KANK1: variants seen among roughly 807,000 people sequenced by gnomAD.
The protein encoded by KANK1 is KN motif and ankyrin repeat domain-containing protein 1.
KANK1 carries 109 observed loss-of-function variants against 106.2 expected under a neutral mutation model. The observed-to-expected ratio is 1.03, with a 90% confidence interval of 0.88 to 1.20. KANK1 has a LOEUF of 1.20. Among genes scored for constraint, KANK1 ranks in the 50% most tolerant of loss-of-function variants. The pLI is 0.00. For missense variants in KANK1, 2,399 were observed against 1,710.7 expected (o/e 1.40, Z -7.10); for synonymous variants, 873 against 652.2 (o/e 1.34, Z -5.16).
intron 7 of KANK1, among the ~76,000 whole-genome samples, chr9:737,036 A>C (rs1049246094): frequency 6.6e-6 from 1 of 152,174 alleles, no homozygotes; most frequent in African/African-American, 2.4e-5. Flanking sequence ...CTGAATTTTC[A>C]TTTGGTGTGA....
At chr9:479,252 ACT>A (rs2058161761) in intron 3 of KANK1, among the ~76,000 whole-genome samples, 1 of 152,098 alleles carries the variant, frequency 6.6e-6, no homozygotes. Flanking sequence ...ATTAGTCAAA[ACT>A]CTTGTCATTG....
intron 3 of KANK1, among the ~76,000 whole-genome samples, chr9:722,197 C>G (rs1461081374): frequency 6.6e-6 from 1 of 152,190 alleles, no homozygotes; most frequent in African/African-American, 2.4e-5. Flanking sequence ...ACTAAACTGC[C>G]TTTGTAAAAC....
intron 2 of KANK1, among the ~76,000 whole-genome samples, chr9:699,964 A>G (rs1822246018): frequency 6.6e-6 from 1 of 152,202 alleles, no homozygotes; most frequent in Non-Finnish European, 1.5e-5. Flanking sequence ...CCTGAGTGAC[A>G]GAGCAAGACC....
chr9:722,964 ATC>A (rs1446329996), intron 3 of KANK1, among the ~76,000 whole-genome samples: 1 of 152,220 alleles, frequency 6.6e-6, no homozygotes, highest in African/African-American at 2.4e-5. Flanking sequence ...GAAAAAAGAC[ATC>A]TCTGTGGAAT....
chr9:565,890 G>A (rs1817681238), intron 1 of KANK1, among the ~76,000 whole-genome samples: 2 of 152,218 alleles, frequency 1.3e-5, no homozygotes, highest in Non-Finnish European at 2.9e-5. Flanking sequence ...AGGTTCAGGG[G>A]TGCATGTGCA....
At chr9:558,559 A>G (rs1190281529) in intron 1 of KANK1, among the ~76,000 whole-genome samples, 2 of 152,224 alleles carry the variant, frequency 1.3e-5, no homozygotes, top group African/African-American at 2.4e-5. Flanking sequence ...GCCTAAATGA[A>G]GCTTAGCCAA....
At chr9:720,827 A>G (rs1829115105) in intron 3 of KANK1, among the ~76,000 whole-genome samples, 1 of 152,146 alleles carries the variant, frequency 6.6e-6, no homozygotes, top group African/African-American at 2.4e-5. Context: ...CCTATTGTTC[A>G]GGGAGCATTT....
At chr9:651,558 G>T (rs2361096) in intron 1 of KANK1, among the ~76,000 whole-genome samples, 40,643 of 152,068 alleles carry the variant, frequency 0.27, 8,067 homozygotes, top group East Asian at 0.55. Context: ...ATGCTTGTTC[G>T]TTCCACAAGT....
At chr9:526,645 A>G (rs1428060134) in intron 1 of KANK1, among the ~76,000 whole-genome samples, 1 of 151,836 alleles carries the variant, frequency 6.6e-6, no homozygotes, top group Non-Finnish European at 1.5e-5. Context: ...TTGTTCTACA[A>G]AACCGTCCAT....
chr9:515,291 G>A (rs568293250), intron 1 of KANK1, among the ~76,000 whole-genome samples: 2 of 150,558 alleles, frequency 1.3e-5, no homozygotes, highest in East Asian at 3.9e-4. Context: ...CTTGCAGTGA[G>A]CCGAGATCGT....
At chr9:491,442 AT>A (rs1286530609) in intron 3 of KANK1, among the ~76,000 whole-genome samples, 2 of 151,086 alleles carry the variant, frequency 1.3e-5, no homozygotes, top group Non-Finnish European at 3.0e-5. Context: ...TAATTTTTGT[AT>A]TTTTTAGTAG....
At chr9:549,823 G>C (rs2061164781) in intron 1 of KANK1, 1 of 152,254 alleles carries the variant, frequency 6.6e-6, no homozygotes, top group South Asian at 2.1e-4. Flanking sequence ...TGTCTGTGTG[G>C]AGGAAATAAG....
In KANK1 at chr9:713,197, C is replaced by A; in HGVS notation, c.2431C>A (p.Pro811Thr). 1 of 1,586,424 alleles carries A rather than the reference C, an allele frequency of 6.3e-7. No individual in the cohort carries two copies. Among genetic ancestry groups the A allele is most frequent in the African/African-American group, 1.3e-5 (1 of 74,434 alleles). The change falls in exon 3 of 12, where the codon CCC becomes ACC. Residue 811 changes from proline to threonine, a missense_variant. Transcript: ENST00000382297. ...CCCTGTAGGGGAATCTCTGGAGAAC[C>A]CCCAGCCTCAAGCTCCACTTGGAAT... is the stretch of plus-strand genomic sequence containing the variant. ...DDPVGESLEN[P>T]QPQAPLGMMT... is the part of the protein sequence containing the mutation.
intron 1 of KANK1, among the ~76,000 whole-genome samples, chr9:623,216 TAAAA>T (rs923326540): frequency 6.7e-4 from 97 of 144,418 alleles, no homozygotes; most frequent in African/African-American, 2.4e-3. Context: ...AATACTAAAA[TAAAA>T]AAAAAAGTGG....
chr9:636,874 C>G (rs1406229444), intron 1 of KANK1, among the ~76,000 whole-genome samples: 1 of 152,180 alleles, frequency 6.6e-6, no homozygotes, highest in African/African-American at 2.4e-5. Flanking sequence ...AAAATAAAAA[C>G]ATAAACAAAA....
intron 1 of KANK1, among the ~76,000 whole-genome samples, chr9:607,288 C>G (rs1183725912): frequency 2.6e-5 from 4 of 151,520 alleles, no homozygotes; most frequent in Admixed American, 6.6e-5. Flanking sequence ...AAGTTCAAGA[C>G]CAGCCTGGCC....
intron 1 of KANK1, among the ~76,000 whole-genome samples, chr9:584,675 A>C (rs1240113435): frequency 6.6e-6 from 1 of 152,166 alleles, no homozygotes; most frequent in African/African-American, 2.4e-5. Flanking sequence ...TTGTTAGGGA[A>C]CCAAAACCAG....
chr9:619,776 T>C (rs1479016331), intron 1 of KANK1, among the ~76,000 whole-genome samples: 1 of 152,164 alleles, frequency 6.6e-6, no homozygotes, highest in Non-Finnish European at 1.5e-5. Flanking sequence ...GCAATGATTT[T>C]TAAATACTTT....
At chr9:511,894 T>G (rs2059042881) in intron 1 of KANK1, among the ~76,000 whole-genome samples, 1 of 152,168 alleles carries the variant, frequency 6.6e-6, no homozygotes, top group South Asian at 2.1e-4. Context: ...TTTTGGATTC[T>G]GTGGGTCAGG....
Sources: allele counts gnomAD v4.1 joint callset (sites outside exome capture counted in the v4.1 genomes callset), GRCh38; gene constraint gnomAD v4.1.1; transcripts MANE v1.5; gene names NCBI Gene and HGNC (gene_info 2026-07-23, HGNC 2026-07-21).